Variants in ZNF451 observed in about 807,000 individuals in gnomAD.
The protein encoded by ZNF451 is zinc finger protein 451, also known as E3 SUMO-protein ligase ZNF451.
Under a neutral mutation model 107.1 loss-of-function variants are expected in ZNF451, and 80 were observed. The observed-to-expected ratio is 0.75, with a 90% CI of 0.62 to 0.90. The LOEUF is 0.90. ZNF451 is among the 40% of genes least tolerant of loss of function. The probability of loss-of-function intolerance (pLI) is 0.00; values close to 1 mark genes in which losing one functional copy is unlikely to be tolerated. For missense variants in ZNF451, 1,107 were observed against 1,236.2 expected, an observed-to-expected ratio of 0.90 and a Z score of 1.57; for synonymous variants, 362 against 406.5, an observed-to-expected ratio of 0.89 and a Z score of 1.32.
chr6:57,149,988 T>C (rs1207550122), intron 10 of ZNF451, among the ~76,000 whole-genome samples: 1 of 152,212 alleles, frequency 6.6e-6, no homozygotes, highest in Non-Finnish European at 1.5e-5. Flanking sequence ...AAACTATTCA[T>C]TTTTTAAATA....
chr6:57,147,332 A>G lies in ZNF451; in HGVS notation c.1247A>G (p.His416Arg), dbSNP rs148325896. The change falls in exon 10 of 15, where the codon CAT becomes CGT. Residue 416 changes from histidine to arginine, a missense_variant. Coordinates refer to ENST00000370706, the MANE Select transcript of ZNF451 (RefSeq NM_001031623.3). ...EGNKDPSSDL[H>R]LLLDQSKFSS... ...AACAAGGATCCTTCTTCTGACTTGC[A>G]TTTATTGTTGGATCAATCAAAATTT... The G allele has an allele frequency of 2.5e-4, 405 of 1,614,126 alleles. No homozygotes were observed. The African/African-American group carries it at 4.6e-3, about 18-fold the overall frequency.
chr6:57,139,346 T>G (rs999347131), intron 7 of ZNF451, among the ~76,000 whole-genome samples: 4 of 152,194 alleles, frequency 2.6e-5, no homozygotes, highest in African/African-American at 9.7e-5. Context: ...AACTTCAATT[T>G]TCTCATTTCT....
At chr6:57,119,657 C>T (rs1830540919) in intron 3 of ZNF451, among the ~76,000 whole-genome samples, 1 of 152,138 alleles carries the variant, frequency 6.6e-6, no homozygotes, top group African/African-American at 2.4e-5. Context: ...ACCTCCTCCC[C>T]TCCCACCCCT....
intron 11 of ZNF451, chr6:57,151,216 CA>C (rs1167033169): frequency 1.9e-5 from 3 of 161,500 alleles, no homozygotes; most frequent in African/African-American, 7.3e-5. Context: ...AAAAAAAATA[CA>C]AAAAATTAGC....
At chr6:57,160,210 T>C (rs1375301013) in intron 13 of ZNF451, among the ~76,000 whole-genome samples, 1 of 152,210 alleles carries the variant, frequency 6.6e-6, no homozygotes, top group Admixed American at 6.5e-5. Context: ...TTTGTCATAA[T>C]TCACGGAACA....
intron 3 of ZNF451, among the ~76,000 whole-genome samples, chr6:57,111,988 A>G (rs1284949330): frequency 6.6e-6 from 1 of 152,210 alleles, no homozygotes; most frequent in Non-Finnish European, 1.5e-5. Context: ...TGCTTTGTAA[A>G]AAGAGGGTTT....
chr6:57,098,660 C>T (rs1829440651), intron 2 of ZNF451, among the ~76,000 whole-genome samples: 1 of 152,130 alleles, frequency 6.6e-6, no homozygotes, highest in Non-Finnish European at 1.5e-5. Context: ...CTTGACTCTG[C>T]AGTGGTGGAT....
chr6:57,140,854 A>G (rs1448649507), intron 7 of ZNF451, among the ~76,000 whole-genome samples: 1 of 152,214 alleles, frequency 6.6e-6, no homozygotes, highest in Non-Finnish European at 1.5e-5. Flanking sequence ...ATTTGATAAA[A>G]CAATGACATT....
chr6:57,141,408 A>C lies in ZNF451; in HGVS notation c.809A>C (p.Lys270Thr), dbSNP rs746720509. The C allele has an allele frequency of 6.8e-6, 11 of 1,613,380 alleles. No homozygotes were observed. The highest frequency in any genetic ancestry group is 1.7e-5 in the Admixed American group (1 of 59,998). The change falls in exon 8 of 15, where the codon AAG (lysine) becomes ACG (threonine). Residue 270 changes from lysine to threonine, a missense_variant. By Grantham distance (78) the Lys-to-Thr change is moderately conservative. Around this residue, in one of 5 missense-constraint regions of ZNF451, gnomAD observed 339 missense variants for 372.8 expected, o/e 0.91. Coordinates refer to ENST00000370706, the MANE Select transcript of ZNF451 (RefSeq NM_001031623.3). ...LLFSRKEECS[K>T]HMSGKNHFHQ... ...TTTAGCAGAAAGGAGGAGTGTTCAAAGCATATGTCTGGAAAGAATCATTTC... is the reference window on the plus strand; with the variant it reads ...TTTAGCAGAAAGGAGGAGTGTTCAACGCATATGTCTGGAAAGAATCATTTC...
In ZNF451 at chr6:57,147,238, G is replaced by C. The variant is rs746232960; in HGVS notation, c.1153G>C (p.Gly385Arg). The change falls in exon 10 of 15, where the codon GGA becomes CGA. Residue 385 changes from glycine (G) to arginine (R), a missense_variant. Around this residue, in one of 5 missense-constraint regions of ZNF451, gnomAD observed 608 missense variants for 649.2 expected, o/e 0.94. Coordinates refer to ENST00000370706, the MANE Select transcript of ZNF451 (RefSeq NM_001031623.3). ...TSTQNHKQNS[G>R]HKVRVINSVE... ...CACCCAAAATCATAAGCAGAATTCA[G>C]GACACAAAGTCCGAGTCATTAACTC... is the stretch of plus-strand genomic sequence containing the variant. The C allele has an allele frequency of 6.2e-7, 1 of 1,613,990 alleles. No homozygotes were observed. Among genetic ancestry groups the C allele is most frequent in the South Asian group, 1.1e-5 (1 of 91,070 alleles).
At chr6:57,101,740 A>G (rs1198284450) in intron 3 of ZNF451, 23 of 1,550,458 alleles carry the variant, frequency 1.5e-5, no homozygotes, top group Non-Finnish European at 2.0e-5. Context: ...TAGGGACATA[A>G]TGGACTCTGT....
At chr6:57,100,985 C>T (rs1188761413) in intron 3 of ZNF451, 1 of 1,550,878 alleles carries the variant, frequency 6.4e-7, no homozygotes, top group African/African-American at 1.4e-5. Context: ...ACACAAGTAG[C>T]TGAAATGTCC....
chr6:57,113,485 G>T (rs1830206971), intron 3 of ZNF451, among the ~76,000 whole-genome samples: 1 of 151,992 alleles, frequency 6.6e-6, no homozygotes, highest in African/African-American at 2.4e-5. Flanking sequence ...TAAAGTAACT[G>T]ATTTAGCTAG....
At chr6:57,125,049 T>C (rs921633253) in intron 4 of ZNF451, among the ~76,000 whole-genome samples, 190 bp downstream of exon 4, 2 of 152,126 alleles carry the variant, frequency 1.3e-5, no homozygotes, top group African/African-American at 4.8e-5. Flanking sequence ...TTCTTATCTG[T>C]ATATAGGAAA....
In ZNF451 at chr6:57,154,057, T is replaced by C. The variant is rs751674924; in HGVS notation, c.3070+10T>C. The C allele has an allele frequency of 6.8e-6, 11 of 1,613,836 alleles. No homozygotes were observed. Among genetic ancestry groups the C allele is most frequent in the Non-Finnish European group, 9.3e-6 (11 of 1,180,030 alleles). On this transcript the variant is annotated intron_variant, in intron 13 of 14. Transcript: ENST00000370706. ...TCTGATACCACCAAAGGTACGCAGC[T>C]GCAGTCACAGTGCAAACCACCCAAG...
intron 14 of ZNF451, among the ~76,000 whole-genome samples, chr6:57,161,357 A>G (rs1479363773): frequency 2.6e-5 from 4 of 152,168 alleles, no homozygotes; most frequent in Non-Finnish European, 2.9e-5. Flanking sequence ...TCAGCCAATT[A>G]TGGCCCTTGG....
Position 57,154,096 on chromosome 6 carries a change from A to C in ZNF451, c.3070+49A>C, listed in dbSNP as rs756621014. ...AAACCACCCAAGAGGAGGAGACTTC[A>C]CTGCTGAGAGAAACCAATAAACTGC... On this transcript the variant is annotated intron_variant, in intron 13 of 14. Transcript: ENST00000370706. 5.6e-6 allele frequency: 9 copies of C among 1,596,212 alleles called. No individual in the cohort carries two copies. The East Asian group carries it at 1.3e-4, about 24-fold the overall frequency.
chr6:57,121,057 G>A (rs778165980), intron 3 of ZNF451, among the ~76,000 whole-genome samples: 5 of 152,112 alleles, frequency 3.3e-5, no homozygotes, highest in Non-Finnish European at 5.9e-5. Context: ...GTTAATTTTT[G>A]TGAAGGGTGT....
intron 3 of ZNF451, chr6:57,104,779 A>G: frequency 1.0e-6 from 1 of 985,374 alleles, no homozygotes; most frequent in Non-Finnish European, 1.2e-6. Context: ...GTAATAAGTA[A>G]AAGTATCCTT....
Sources: gnomAD v4.1 joint callset for allele counts (sites outside exome capture counted in the v4.1 genomes callset) on GRCh38, gnomAD v4.1.1 for gene constraint, gnomAD v4.1.1 regional missense constraint, MANE v1.5 for transcripts, NCBI Gene and HGNC (gene_info 2026-07-23, HGNC 2026-07-21) for gene names.